Variants in EPB41L5 observed in about 807,000 individuals in gnomAD.
EPB41L5 encodes the protein erythrocyte membrane protein band 4.1 like 5, also known as band 4.1-like protein 5.
Under a neutral mutation model 106.6 loss-of-function variants are expected in EPB41L5, and 55 were observed. The observed-to-expected ratio is 0.52, with a 90% CI of 0.42 to 0.65. The LOEUF (loss-of-function observed/expected upper bound fraction) is 0.65, where lower values mean the gene tolerates loss of function less well. Among genes scored for constraint, EPB41L5 ranks in the 30% least tolerant of loss-of-function variants. EPB41L5 has a pLI of 0.00. For missense variants in EPB41L5, 871 were observed against 882.1 expected (o/e 0.99, Z 0.16); for synonymous variants, 297 against 306.7 (o/e 0.97, Z 0.33).
intron 13 of EPB41L5, among the ~76,000 whole-genome samples, chr2:120,092,310 C>T (rs1054684138): frequency 6.6e-6 from 1 of 152,124 alleles, no homozygotes; most frequent in Non-Finnish European, 1.5e-5. Context: ...GGATTACAGG[C>T]ATGCCTGGCC....
At chr2:120,078,021 A>T (rs759578551) in intron 9 of EPB41L5, among the ~76,000 whole-genome samples, 1 of 152,022 alleles carries the variant, frequency 6.6e-6, no homozygotes, top group Non-Finnish European at 1.5e-5. Flanking sequence ...TCTTGTGAGA[A>T]CTCATTCACT....
chr2:120,103,556 T>C (rs1421881787), intron 16 of EPB41L5, among the ~76,000 whole-genome samples: 1 of 152,226 alleles, frequency 6.6e-6, no homozygotes, highest in Non-Finnish European at 1.5e-5. Context: ...TTTTTAGTGC[T>C]CTTTCTGAAT....
Position 120,133,344 on chromosome 2 carries a change from G to A in EPB41L5, c.1599+1629G>A, listed in dbSNP as rs115891637. On this transcript the variant is annotated intron_variant, in intron 18 of 24. Transcript: ENST00000263713. ...CTGGTTTTAACATTATACCAAGGAA[G>A]GAGGCACTGAAGAGGGTAGGAAAGA... 5.8e-3 allele frequency among the ~76,000 whole-genome samples: 886 copies of A among 152,196 alleles called. 13 individuals carry two copies. The highest frequency in any genetic ancestry group is 0.02 in the African/African-American group (838 of 41,516).
At chr2:120,166,968 T>C (rs17624225) in intron 22 of EPB41L5, among the ~76,000 whole-genome samples, 7,436 of 152,298 alleles carry the variant, frequency 0.049, 210 homozygotes, top group African/African-American at 0.067. Context: ...GGTGTTTTTA[T>C]TGCGCTTTCT....
chr2:120,167,834 G>GGTATT lies in EPB41L5; in HGVS notation c.2005-40_2005-36dup, dbSNP rs777913900. ...TTGGAGCTGAAGTGCTGACCAGGCA[G>GGTATT]GTATTGTTACCCTGTATTTAGTTGT... On this transcript the variant is annotated intron_variant, in intron 23 of 24. Transcript: ENST00000263713. The GGTATT allele has an allele frequency of 9.3e-6, 15 of 1,611,590 alleles. 1 individual carries two copies. The Admixed American group carries it at 2.5e-4, about 27-fold the overall frequency.
Position 120,168,025 on chromosome 2 carries a change from C to A in EPB41L5, c.2135+18C>A, listed in dbSNP as rs769123453. 6.2e-7 allele frequency: 1 copy of A among 1,613,104 alleles called. No individual in the cohort carries two copies. Among genetic ancestry groups the A allele is most frequent in the Admixed American group, 1.7e-5 (1 of 59,986 alleles). ...GTGACCAGGTGAGAAAATTATTTCT[C>A]ATTTGCAGTTCTTAGGCATCTGTTA... On this transcript the variant is annotated intron_variant, in intron 24 of 24. Coordinates refer to ENST00000263713, the MANE Select transcript of EPB41L5 (RefSeq NM_020909.4).
rs1038565097 is a variant in EPB41L5, at chr2:120,175,089, A to T, written c.*182A>T. 1.6e-6 allele frequency: 1 copy of T among 622,394 alleles called. No homozygotes were observed. The highest frequency in any genetic ancestry group is 2.9e-6 in the Non-Finnish European group (1 of 343,362). 38.6% of individuals were successfully genotyped at this position (622,394 alleles called of 1,614,324 possible). A position where few individuals can be genotyped will look rare whatever the true frequency, so the allele number is the denominator to read the frequency against. On this transcript the variant is annotated 3_prime_UTR_variant, in exon 25 of 25. Transcript: ENST00000263713. ...CGTCCAACTGGAATTGTTGAATCAC[A>T]CTGCATAGCTGCCCAAAAGAGAGTG...
rs147889210 is a variant in EPB41L5 at position 120,178,745 on chromosome 2, G to T, written c.*3838G>T. On this transcript the variant is annotated 3_prime_UTR_variant, in exon 25 of 25. Transcript: ENST00000263713. ...TTGGTAGAGCTATGATTCCTTCCCA[G>T]TTCTAAGAGATACGATCTGTAAGTC... 6.6e-6 allele frequency: 1 copy of T among 152,316 alleles called. No homozygotes were observed. Among genetic ancestry groups the T allele is most frequent in the Non-Finnish European group, 1.5e-5 (1 of 68,028 alleles). The allele number at this position is 152,316 out of a possible 1,614,324, so 9.4% of individuals were successfully genotyped here. A position where few individuals can be genotyped will look rare whatever the true frequency, so the allele number is the denominator to read the frequency against.
intron 10 of EPB41L5, among the ~76,000 whole-genome samples, chr2:120,086,225 T>TTCA (rs1683044730): frequency 1.3e-5 from 2 of 152,298 alleles, no homozygotes; most frequent in Non-Finnish European, 1.5e-5. Flanking sequence ...CTATTATTTC[T>TTCA]TCATTATTGT....
At chr2:120,155,717 A>C (rs923346963) in intron 20 of EPB41L5, among the ~76,000 whole-genome samples, 3 of 151,938 alleles carry the variant, frequency 2.0e-5, no homozygotes, top group African/African-American at 7.3e-5. Flanking sequence ...GATACTGAAT[A>C]ATCTCAGTTA....
chr2:120,073,139 T>G (rs921910309), intron 3 of EPB41L5, 39 bp from the exon 4 acceptor site: 1 of 1,581,352 alleles, frequency 6.3e-7, no homozygotes, highest in Non-Finnish European at 8.6e-7. Flanking sequence ...TTTAAAGTTC[T>G]GTCATCTGCT....
intron 14 of EPB41L5, among the ~76,000 whole-genome samples, chr2:120,096,498 G>A (rs1175953084): frequency 6.6e-6 from 1 of 152,016 alleles, no homozygotes; most frequent in Non-Finnish European, 1.5e-5. Context: ...TTTCAGAAAA[G>A]TAGAGTAATG....
chr2:120,087,836 T>C (rs1683164575), intron 11 of EPB41L5, among the ~76,000 whole-genome samples: 1 of 152,176 alleles, frequency 6.6e-6, no homozygotes, highest in East Asian at 1.9e-4. Flanking sequence ...CTAATAATAA[T>C]AAAGCCTTTT....
chr2:120,075,655 A>G, intron 6 of EPB41L5, 46 bp from the exon 7 acceptor site: 1 of 1,513,830 alleles, frequency 6.6e-7, no homozygotes, highest in Non-Finnish European at 9.2e-7. Flanking sequence ...CTTAAAATGA[A>G]GGTTATGAAA....
chr2:120,061,513 G>A (rs551546877), intron 3 of EPB41L5, among the ~76,000 whole-genome samples: 1 of 151,288 alleles, frequency 6.6e-6, no homozygotes, highest in South Asian at 2.1e-4. Flanking sequence ...GTGAGCCACC[G>A]CGCCCGGCCT....
At chr2:120,030,113 G>A (rs1353606626) in intron 2 of EPB41L5, among the ~76,000 whole-genome samples, 2 of 152,176 alleles carry the variant, frequency 1.3e-5, no homozygotes, top group Non-Finnish European at 2.9e-5. Context: ...TCATTCCTGG[G>A]CGTAGGCCTA....
intron 2 of EPB41L5, among the ~76,000 whole-genome samples, chr2:120,028,056 G>T (rs1678455953): frequency 6.6e-6 from 1 of 151,908 alleles, no homozygotes; most frequent in Non-Finnish European, 1.5e-5. Flanking sequence ...TAGAGAAAGG[G>T]TTTCACCATA....
chr2:120,037,692 A>T (rs189973230), intron 2 of EPB41L5, among the ~76,000 whole-genome samples: 1 of 152,280 alleles, frequency 6.6e-6, no homozygotes, highest in East Asian at 1.9e-4. Context: ...GGCAATACAG[A>T]CAGACATTGA....
intron 2 of EPB41L5, among the ~76,000 whole-genome samples, chr2:120,021,366 C>T (rs1677913951): frequency 6.6e-6 from 1 of 151,362 alleles, no homozygotes; most frequent in African/African-American, 2.4e-5. Flanking sequence ...ACAATTGGGC[C>T]AGGTGCAGTG....
Sources: allele counts gnomAD v4.1 joint callset (sites outside exome capture counted in the v4.1 genomes callset), GRCh38; gene constraint gnomAD v4.1.1; transcripts MANE v1.5; gene names NCBI Gene and HGNC (gene_info 2026-07-23, HGNC 2026-07-21).